Variants in MTHFD1 observed in about 807,000 individuals in gnomAD.
MTHFD1 encodes the protein methylenetetrahydrofolate dehydrogenase, cyclohydrolase and formyltetrahydrofolate synthetase 1, also known as C-1-tetrahydrofolate synthase, cytoplasmic.
Under a neutral mutation model 110.3 loss-of-function variants are expected in MTHFD1, and 44 were observed. The ratio of observed to expected loss-of-function variants is 0.40; its 90% CI spans 0.31 to 0.51. The LOEUF (loss-of-function observed/expected upper bound fraction) is 0.51. MTHFD1 is among the 20% of genes least tolerant of loss of function. The probability of loss-of-function intolerance (pLI) is 0.60; values close to 1 mark genes in which losing one functional copy is unlikely to be tolerated. For synonymous variants in MTHFD1, 402 were observed against 428.8 expected (o/e 0.94, Z 0.77); for missense variants, 909 against 1,173.1 (o/e 0.77, Z 3.29).
chr14:64,427,734 A>G (rs2078128832), intron 12 of MTHFD1, among the ~76,000 whole-genome samples: 1 of 152,196 alleles, frequency 6.6e-6, no homozygotes, highest in South Asian at 2.1e-4. Context: ...TTTGACCCTC[A>G]TAGTCCACTG....
chr14:64,422,318 A>C (rs79193786), intron 8 of MTHFD1, among the ~76,000 whole-genome samples: 4,557 of 152,184 alleles, frequency 0.03, 243 homozygotes, highest in African/African-American at 0.1. Flanking sequence ...TTAGAAGCAA[A>C]CTTTTCTACC....
intron 13 of MTHFD1, 32 bp downstream of exon 13, chr14:64,430,262 T>G (rs947683484): frequency 1.2e-6 from 2 of 1,606,104 alleles, no homozygotes; most frequent in Admixed American, 1.7e-5. Context: ...CTGAATTAGA[T>G]CCCCCTTTTT....
Position 64,415,721 on chromosome 14 carries a change from G to A in MTHFD1, c.460G>A (p.Glu154Lys), listed in dbSNP as rs1156585285. 2.5e-6 allele frequency: 4 copies of A among 1,614,026 alleles called. No homozygotes were observed. The South Asian group carries it at 4.4e-5, about 18-fold the overall frequency. ...TCCTTGTACGCCTAAGGGATGCTTG[G>A]AACTCATCAAAGAGACAGGTAAAAA... ...FIPCTPKGCL[E>K]LIKETGVPIA... is the part of the protein sequence containing the mutation. The change falls in exon 6 of 28, where the codon GAA becomes AAA. Residue 154 changes from glutamate to lysine, a missense_variant. Glu to Lys is a moderately conservative substitution (Grantham distance 56). Around this residue, in one of 3 missense-constraint regions of MTHFD1, gnomAD observed 424 missense variants for 510.4 expected, o/e 0.83. Coordinates refer to ENST00000652337, the MANE Select transcript of MTHFD1 (RefSeq NM_005956.4).
chr14:64,433,113 A>ATTGG (rs1264614660), intron 15 of MTHFD1, among the ~76,000 whole-genome samples: 2 of 151,510 alleles, frequency 1.3e-5, no homozygotes, highest in Non-Finnish European at 2.9e-5. Context: ...TCAAAAATTT[A>ATTGG]TTGGTTGGTT....
chr14:64,447,146 GTTCT>G (rs1272773751), intron 22 of MTHFD1, among the ~76,000 whole-genome samples: 2 of 120,790 alleles, frequency 1.7e-5, no homozygotes, highest in African/African-American at 3.0e-5. Flanking sequence ...ATCCAGCTCA[GTTCT>G]TTTTTTTTTT....
chr14:64,446,502 C>G (rs2078290135), intron 22 of MTHFD1, among the ~76,000 whole-genome samples: 2 of 152,114 alleles, frequency 1.3e-5, no homozygotes, highest in Admixed American at 1.3e-4. Flanking sequence ...TCCTTAATTG[C>G]TTCCCTTTAG....
At position 64,411,081 on chromosome 14, in the gene MTHFD1, T is replaced by C. The variant is rs1194020147; in HGVS notation, c.127-9T>C. 2.5e-6 allele frequency: 4 copies of C among 1,599,690 alleles called. No individual in the cohort carries two copies. Among genetic ancestry groups the C allele is most frequent in the Non-Finnish European group, 2.6e-6 (3 of 1,167,158 alleles). On this transcript the variant is annotated splice_polypyrimidine_tract_variant and intron_variant, in intron 2 of 27. Coordinates refer to ENST00000652337, the MANE Select transcript of MTHFD1 (RefSeq NM_005956.4). ...TAATCATCTGATTTGCATGCATTTA[T>C]TATTCTAGGTTGGCAACAGAGATGA...
At chr14:64,448,017 G>A in intron 22 of MTHFD1, 200 bp from the exon 23 acceptor site, 1 of 609,598 alleles carries the variant, frequency 1.6e-6, no homozygotes, top group Non-Finnish European at 2.9e-6. Flanking sequence ...TCATAGGCTG[G>A]AGTGAAAGCT....
At chr14:64,449,963 T>C (rs2078344004) in intron 24 of MTHFD1, among the ~76,000 whole-genome samples, 1 of 152,132 alleles carries the variant, frequency 6.6e-6, no homozygotes, top group Non-Finnish European at 1.5e-5. Flanking sequence ...TAATTTTTCT[T>C]ATTTTTTTAG....
chr14:64,459,897 C>T lies in MTHFD1; in HGVS notation c.*143C>T. On this transcript the variant is annotated 3_prime_UTR_variant, in exon 28 of 28. Coordinates refer to ENST00000652337, the MANE Select transcript of MTHFD1 (RefSeq NM_005956.4). ...TCTGAAACTAATAGTAGGAGTTTCCCCAGAAGTCATTTTCAGCCTTAATTC... is the reference window on the plus strand; with the variant it reads ...TCTGAAACTAATAGTAGGAGTTTCCTCAGAAGTCATTTTCAGCCTTAATTC... 6.5e-7 allele frequency: 1 copy of T among 1,535,848 alleles called. No homozygotes were observed. The highest frequency in any genetic ancestry group is 8.7e-7 in the Non-Finnish European group (1 of 1,146,768).
Position 64,459,904 on chromosome 14 carries a change from T to G in MTHFD1, c.*150T>G. 2 of 1,535,978 alleles carry G rather than the reference T, an allele frequency of 1.3e-6. No homozygotes were observed. Among genetic ancestry groups the G allele is most frequent in the South Asian group, 2.4e-5 (2 of 84,054 alleles). ...CTAATAGTAGGAGTTTCCCCAGAAG[T>G]CATTTTCAGCCTTAATTCTCATCAT... On this transcript the variant is annotated 3_prime_UTR_variant, in exon 28 of 28. Transcript: ENST00000652337.
intron 23 of MTHFD1, 198 bp downstream of exon 23, chr14:64,448,515 T>G: frequency 1.6e-6 from 1 of 606,634 alleles, no homozygotes; most frequent in South Asian, 1.9e-5. Flanking sequence ...CAAAGTCAGA[T>G]TCAGCTCCTA....
At chr14:64,416,213 C>A (rs943676999) in intron 6 of MTHFD1, among the ~76,000 whole-genome samples, 7 of 152,090 alleles carry the variant, frequency 4.6e-5, no homozygotes, top group African/African-American at 1.2e-4. Flanking sequence ...TGACTGCACT[C>A]CAGCCTGGGC....
Position 64,392,102 on chromosome 14 carries a change from G to A in MTHFD1, c.41+3634G>A, listed in dbSNP as rs113039385. 2.3e-3 allele frequency among the ~76,000 whole-genome samples: 346 copies of A among 152,316 alleles called. 3 individuals are homozygous for A. The highest frequency in any genetic ancestry group is 4.3e-3 in the Non-Finnish European group (291 of 68,030). ...TTACGGGCAAAGACTTGAAGGAGGT[G>A]GAGCCTTAAGCCTGCCAATGTTGTG... On this transcript the variant is annotated intron_variant, in intron 1 of 27. Transcript: ENST00000652337.
rs758181315 is a variant in MTHFD1 at position 64,449,665 on chromosome 14, G to C, written c.2457+43G>C. 3.1e-6 allele frequency: 5 copies of C among 1,605,060 alleles called. No individual in the cohort carries two copies. In the South Asian group the frequency reaches 5.5e-5, roughly 18 times the overall value. ...TGCAAAAAAAGAAAAAAGACGAAAAGGGCACAGTGAAGTTTCTGTGTGGCT... is the reference window on the plus strand; with the variant it reads ...TGCAAAAAAAGAAAAAAGACGAAAACGGCACAGTGAAGTTTCTGTGTGGCT... On this transcript the variant is annotated intron_variant, in intron 24 of 27. Coordinates refer to ENST00000652337, the MANE Select transcript of MTHFD1 (RefSeq NM_005956.4).
At chr14:64,454,432 A>G (rs1348146757) in intron 25 of MTHFD1, among the ~76,000 whole-genome samples, 1 of 152,050 alleles carries the variant, frequency 6.6e-6, no homozygotes, top group Non-Finnish European at 1.5e-5. Flanking sequence ...TTTTATTCTC[A>G]TATCTACTCC....
intron 12 of MTHFD1, among the ~76,000 whole-genome samples, chr14:64,428,773 T>C (rs990943398): frequency 2.7e-5 from 4 of 150,900 alleles, no homozygotes; most frequent in African/African-American, 4.9e-5. Context: ...AGGCTGGTCT[T>C]GAACTCCTGA....
chr14:64,441,539 G>A (rs554011398), intron 19 of MTHFD1, 86 bp downstream of exon 19: 320 of 1,253,996 alleles, frequency 2.6e-4, no homozygotes, highest in African/African-American at 3.7e-4. Context: ...AGGCGCGGTG[G>A]CTCACACCTG....
Position 64,457,433 on chromosome 14 carries a change from A to G in MTHFD1, c.2719-781A>G, listed in dbSNP as rs1226249143. Among the ~76,000 whole-genome samples, 6 of 151,518 alleles carry G rather than the reference A, an allele frequency of 4.0e-5. No homozygotes were observed. In the East Asian group the frequency reaches 1.2e-3, roughly 29 times the overall value. ...GCTGGCATTTGGTTTGCAGAAGGAC[A>G]TGAGGAATCAGTTTCTTTTCTTTTC... On this transcript the variant is annotated intron_variant, in intron 26 of 27. Transcript: ENST00000652337.
Sources: gnomAD v4.1 joint callset for allele counts (sites outside exome capture counted in the v4.1 genomes callset) on GRCh38, gnomAD v4.1.1 for gene constraint, gnomAD v4.1.1 regional missense constraint, MANE v1.5 for transcripts, NCBI Gene and HGNC (gene_info 2026-07-23, HGNC 2026-07-21) for gene names.